KIF4A: variants seen among roughly 807,000 people sequenced by gnomAD.
KIF4A encodes chromosome-associated kinesin KIF4A.
A neutral mutation model predicts 105.9 loss-of-function variants in KIF4A; 7 were observed. The observed-to-expected ratio is 0.07, with a 90% CI of 0.04 to 0.12. The LOEUF (loss-of-function observed/expected upper bound fraction) is 0.12. Ranked by LOEUF, KIF4A falls within the 10% of genes least tolerant of loss-of-function variation. KIF4A has a pLI of 1.00. For synonymous variants in KIF4A, 281 were observed against 331.3 expected (o/e 0.85, Z 1.65); for missense variants, 558 against 929.2 (o/e 0.60, Z 5.19).
Position 70,402,709 on chromosome X carries a change from T to C in KIF4A, c.2619+14T>C. 8.3e-7 allele frequency: 1 copy of C among 1,203,973 alleles called. No homozygotes were observed. Among genetic ancestry groups the C allele is most frequent in the Non-Finnish European group, 1.1e-6 (1 of 891,021 alleles). On this transcript the variant is annotated intron_variant, in intron 23 of 30. Coordinates refer to ENST00000374403, the MANE Select transcript of KIF4A (RefSeq NM_012310.5). ...TTGATTGGAGAGGTAAACATCACTC[T>C]AACCAGCAGTTAGGAGGCTGGCTGT...
chrX:70,338,281 A>G (rs1461130771), intron 10 of KIF4A, among the ~76,000 whole-genome samples: 1 of 111,686 alleles, frequency 9.0e-6, no homozygotes, highest in African/African-American at 3.3e-5. Flanking sequence ...CATCACCCCA[A>G]AAAGTTTCCT....
intron 3 of KIF4A, among the ~76,000 whole-genome samples, chrX:70,294,407 G>A (rs2085772821): frequency 8.9e-6 from 1 of 112,466 alleles, no homozygotes; most frequent in Non-Finnish European, 1.9e-5. Context: ...AAAAAGTATG[G>A]TATAGTATAC....
Position 70,348,847 on chromosome X carries a change from G to A in KIF4A, c.1432-3753G>A, listed in dbSNP as rs202054430. ...AAAACTGCCATTGTCATCATGGCCCGTTCTCAATGGTCGCTGTCTCTTCAG... is the reference window on the plus strand; with the variant it reads ...AAAACTGCCATTGTCATCATGGCCCATTCTCAATGGTCGCTGTCTCTTCAG... On this transcript the variant is annotated intron_variant, in intron 13 of 30. Transcript: ENST00000374403. 5.3e-4 allele frequency among the ~76,000 whole-genome samples: 59 copies of A among 112,166 alleles called. No individual in the cohort carries two copies. In the East Asian group the frequency reaches 0.015, roughly 29 times the overall value.
At chrX:70,349,881 C>G (rs1343248710) in intron 13 of KIF4A, among the ~76,000 whole-genome samples, 109 of 92,744 alleles carry the variant, frequency 1.2e-3, no homozygotes, top group Non-Finnish European at 1.9e-3. Flanking sequence ...TCCTCACTTC[C>G]TAGACGGGGT....
Position 70,388,278 on chromosome X carries a change from A to G in KIF4A, c.2232+981A>G, listed in dbSNP as rs375417297. 2.2e-4 allele frequency among the ~76,000 whole-genome samples: 25 copies of G among 111,219 alleles called. No individual in the cohort carries two copies. In the East Asian group the frequency reaches 2.5e-3, roughly 11 times the overall value. On this transcript the variant is annotated intron_variant, in intron 20 of 30. Transcript: ENST00000374403. ...CCCATTCATTGTATGGCTATACCAT[A>G]ATTTGTTTTTATATCCATCTGTTGA...
At chrX:70,413,371 C>T (rs750575293) in intron 28 of KIF4A, among the ~76,000 whole-genome samples, 36 of 111,742 alleles carry the variant, frequency 3.2e-4, no homozygotes, top group Middle Eastern at 4.6e-3. Context: ...CAGTGGCTCA[C>T]GCCTATAATC....
chrX:70,310,902 G>A (rs900292245), intron 7 of KIF4A, among the ~76,000 whole-genome samples: 6 of 110,762 alleles, frequency 5.4e-5, no homozygotes, highest in East Asian at 5.6e-4. Context: ...TAGGTAGGAG[G>A]ATCGCTTGAG....
At position 70,399,950 on chromosome X, in the gene KIF4A, TAATAA is replaced by T. The variant is rs1175872588; in HGVS notation, c.2490-2608_2490-2604del. Among the ~76,000 whole-genome samples the T allele has an allele frequency of 1.2e-3, 119 of 102,184 alleles. 1 individual carries two copies. The highest frequency in any genetic ancestry group is 3.9e-3 in the African/African-American group (111 of 28,476). 88.7% of individuals were successfully genotyped at this position (102,184 alleles called of 115,157 possible). On this transcript the variant is annotated intron_variant, in intron 22 of 30. Transcript: ENST00000374403. ...TACCCTAAAACTTAAAGTATAATAA[TAATAA>T]AATAAAAACAACAACAACAACAACA...
At chrX:70,382,402 G>A (rs887311142) in intron 18 of KIF4A, among the ~76,000 whole-genome samples, 4 of 112,391 alleles carry the variant, frequency 3.6e-5, no homozygotes, top group African/African-American at 1.3e-4. Context: ...CTGCACTCCA[G>A]CCTGGGCAAC....
intron 7 of KIF4A, among the ~76,000 whole-genome samples, chrX:70,308,606 TTTTTGTTTTG>T (rs1216697531): frequency 8.9e-6 from 1 of 112,169 alleles, no homozygotes; most frequent in Non-Finnish European, 1.9e-5. Flanking sequence ...CAACTTAGAT[TTTTTGTTTTG>T]TTTTGTTTTA....
Position 70,349,091 on chromosome X carries a change from G to A in KIF4A, c.1432-3509G>A, listed in dbSNP as rs778547675. Among the ~76,000 whole-genome samples the A allele has an allele frequency of 2.9e-3, 270 of 94,702 alleles. 1 individual carries two copies. Among genetic ancestry groups the A allele is most frequent in the African/African-American group, 0.01 (251 of 24,596 alleles). The allele number at this position is 94,702 out of a possible 115,157, so 82.2% of individuals were successfully genotyped here. A position where few individuals can be genotyped will look rare whatever the true frequency, so the allele number is the denominator to read the frequency against. On this transcript the variant is annotated intron_variant, in intron 13 of 30. Transcript: ENST00000374403. ...TCCTCACCTCCCAGAGGGGGCGGCC[G>A]GGCAGAGGCGCTCCTCACCTCCCAG...
intron 13 of KIF4A, among the ~76,000 whole-genome samples, chrX:70,349,618 G>A (rs1227165390): frequency 1.0e-5 from 1 of 99,271 alleles, no homozygotes; most frequent in African/African-American, 3.8e-5. Context: ...ACGGGGTGGT[G>A]GCCGGGCAGA....
rs2086257296 is a variant in KIF4A, at chrX:70,395,810, C to T, written c.2372C>T (p.Pro791Leu). ...LKEKKESGEN[P>L]PPKLRRRTFS... ...GAAAAAAAGGAATCTGGGGAGAATC[C>T]ACCTCCTAAACTCCGGGTAAGTACG... is the stretch of plus-strand genomic sequence containing the variant. The change falls in exon 21 of 31, where the codon CCA becomes CTA. Residue 791 changes from proline (P) to leucine (L), a missense_variant. Pro to Leu is a moderately conservative substitution (Grantham distance 98, BLOSUM62 -3). Around this residue, in one of 2 missense-constraint regions of KIF4A, gnomAD observed 469 missense variants for 680.4 expected, o/e 0.69. Coordinates refer to ENST00000374403, the MANE Select transcript of KIF4A (RefSeq NM_012310.5). 4.1e-6 allele frequency: 5 copies of T among 1,211,556 alleles called. No individual in the cohort carries two copies. Among genetic ancestry groups the T allele is most frequent in the Non-Finnish European group, 5.6e-6 (5 of 895,392 alleles).
At chrX:70,368,510 T>C (rs1216372064) in intron 15 of KIF4A, among the ~76,000 whole-genome samples, 1 of 112,091 alleles carries the variant, frequency 8.9e-6, no homozygotes, top group African/African-American at 3.2e-5. Flanking sequence ...TTGCTGGAGG[T>C]CCACTCCAGA....
chrX:70,339,042 G>A (rs1359780154), intron 10 of KIF4A, among the ~76,000 whole-genome samples: 2 of 100,215 alleles, frequency 2.0e-5, no homozygotes, highest in African/African-American at 7.5e-5. Context: ...CCAAGACCAC[G>A]CCACTGCACT....
chrX:70,414,020 A>G (rs2086333332), intron 28 of KIF4A, among the ~76,000 whole-genome samples: 1 of 111,082 alleles, frequency 9.0e-6, no homozygotes, highest in Non-Finnish European at 1.9e-5. Context: ...ATGGGTAGTC[A>G]AGGGCCAGAT....
intron 28 of KIF4A, among the ~76,000 whole-genome samples, chrX:70,409,718 A>G (rs2086314059): frequency 9.4e-6 from 1 of 106,862 alleles, no homozygotes; most frequent in South Asian, 4.3e-4. Context: ...AATCGCTTGA[A>G]CCCAGGAGGT....
intron 13 of KIF4A, among the ~76,000 whole-genome samples, chrX:70,351,060 A>G (rs1160845693): frequency 1.8e-5 from 2 of 112,447 alleles, no homozygotes; most frequent in African/African-American, 6.5e-5. Flanking sequence ...GAATGCCCCA[A>G]AAAATAATTT....
intron 28 of KIF4A, among the ~76,000 whole-genome samples, chrX:70,413,045 C>T (rs1314334086): frequency 8.9e-6 from 1 of 112,023 alleles, no homozygotes; most frequent in African/African-American, 3.2e-5. Flanking sequence ...ATCCTTTGAC[C>T]CAGTAATTTT....
Sources: gnomAD v4.1 joint callset for allele counts (sites outside exome capture counted in the v4.1 genomes callset) on GRCh38, gnomAD v4.1.1 for gene constraint, gnomAD v4.1.1 regional missense constraint, MANE v1.5 for transcripts, NCBI Gene and HGNC (gene_info 2026-07-23, HGNC 2026-07-21) for gene names.